Variants in INO80C observed in about 807,000 individuals in gnomAD.
The protein encoded by INO80C is INO80 complex subunit C, also known as IES6 homolog.
A neutral mutation model predicts 17.7 loss-of-function variants in INO80C; 17 were observed. The observed-to-expected ratio is 0.96, with a 90% CI of 0.66 to 1.44. INO80C has a LOEUF of 1.44. Among genes scored for constraint, INO80C ranks in the 40% most tolerant of loss-of-function variants. The probability of loss-of-function intolerance (pLI) is 0.00; values close to 1 mark genes in which losing one functional copy is unlikely to be tolerated. For synonymous variants in INO80C, 96 were observed against 95.8 expected, an observed-to-expected ratio of 1.00 and a Z score of -0.01; for missense variants, 244 against 245.0, an observed-to-expected ratio of 1.00 and a Z score of 0.03.
intron 4 of INO80C, among the ~76,000 whole-genome samples, chr18:35,472,617 G>A (rs2045684034): frequency 6.6e-6 from 1 of 152,146 alleles, no homozygotes; most frequent in African/African-American, 2.4e-5. Flanking sequence ...CTGCCTATAA[G>A]GCATATTGCA....
chr18:35,497,382 G>C, intron 1 of INO80C: 1 of 1,078,450 alleles, frequency 9.3e-7, no homozygotes, highest in Non-Finnish European at 1.1e-6. Context: ...CAGAATGGAC[G>C]AGGGGAAGAC....
intron 4 of INO80C, among the ~76,000 whole-genome samples, chr18:35,470,372 G>C (rs1020092268): frequency 6.6e-6 from 1 of 152,064 alleles, no homozygotes; most frequent in Non-Finnish European, 1.5e-5. Context: ...CGATCCCTTG[G>C]CTTGATCTAG....
chr18:35,479,061 A>C (rs1200112021), intron 3 of INO80C: 1 of 369,590 alleles, frequency 2.7e-6, no homozygotes, highest in African/African-American at 2.1e-5. Flanking sequence ...CAATATTATC[A>C]TATTGGGACC....
At chr18:35,497,617 C>A (rs984010206) in intron 1 of INO80C, 102 bp downstream of exon 1, 22 of 1,471,094 alleles carry the variant, frequency 1.5e-5, no homozygotes, top group African/African-American at 2.9e-5. Flanking sequence ...ACGGAGACCG[C>A]ACGCGCAGCG....
intron 1 of INO80C, among the ~76,000 whole-genome samples, chr18:35,487,991 A>C (rs1288356424): frequency 6.6e-6 from 1 of 152,152 alleles, no homozygotes; most frequent in Non-Finnish European, 1.5e-5. Flanking sequence ...CTCCAAAATG[A>C]TCTCCTTTGA....
chr18:35,478,452 T>G, intron 3 of INO80C, 103 bp from the exon 4 acceptor site: 1 of 922,316 alleles, frequency 1.1e-6, no homozygotes, highest in South Asian at 1.7e-5. Context: ...CCTGAAAATT[T>G]CCTTTGTGAT....
intron 1 of INO80C, among the ~76,000 whole-genome samples, chr18:35,488,413 C>T (rs2045899059): frequency 6.6e-6 from 1 of 152,190 alleles, no homozygotes; most frequent in African/African-American, 2.4e-5. Flanking sequence ...TTCTGTGCAC[C>T]CACAGGCTCA....
chr18:35,479,920 A>G (rs2045785351), intron 2 of INO80C, among the ~76,000 whole-genome samples: 1 of 151,832 alleles, frequency 6.6e-6, no homozygotes, highest in African/African-American at 2.4e-5. Flanking sequence ...AGATGACACA[A>G]TAAAATGGAA....
At chr18:35,492,912 T>C (rs1317549918) in intron 1 of INO80C, among the ~76,000 whole-genome samples, 3 of 152,248 alleles carry the variant, frequency 2.0e-5, no homozygotes, top group African/African-American at 7.2e-5. Context: ...ATTGATTCAG[T>C]AAAACTGTTG....
intron 1 of INO80C, among the ~76,000 whole-genome samples, chr18:35,484,763 C>A (rs2045853237): frequency 6.6e-6 from 1 of 152,110 alleles, no homozygotes; most frequent in Non-Finnish European, 1.5e-5. Flanking sequence ...TGGAACCAAT[C>A]CAGCACATAT....
At chr18:35,488,081 G>C (rs1000975431) in intron 1 of INO80C, among the ~76,000 whole-genome samples, 2 of 152,234 alleles carry the variant, frequency 1.3e-5, no homozygotes, top group Non-Finnish European at 2.9e-5. Context: ...CTGTGGCTTT[G>C]CAGGGTATAG....
intron 4 of INO80C, among the ~76,000 whole-genome samples, chr18:35,473,257 T>C (rs1320745585): frequency 6.6e-6 from 1 of 152,132 alleles, no homozygotes; most frequent in Non-Finnish European, 1.5e-5. Context: ...TAAACGACTA[T>C]TACAACAGGC....
chr18:35,481,154 C>T (rs1425039577), intron 1 of INO80C, among the ~76,000 whole-genome samples: 1 of 152,078 alleles, frequency 6.6e-6, no homozygotes, highest in African/African-American at 2.4e-5. Flanking sequence ...ATGGGCATTC[C>T]AAGGAAGGAA....
chr18:35,479,705 T>C (rs1242518432), intron 2 of INO80C, among the ~76,000 whole-genome samples: 2 of 152,168 alleles, frequency 1.3e-5, no homozygotes, highest in African/African-American at 2.4e-5. Flanking sequence ...GGGTCTAACT[T>C]TGTAGAATTC....
At position 35,497,875 on chromosome 18, in the gene INO80C, C is replaced by T. The variant is rs538991809; in HGVS notation, c.-1G>A. On this transcript the variant is annotated 5_prime_UTR_variant, in exon 1 of 5. Coordinates refer to ENST00000334598, the MANE Select transcript of INO80C (RefSeq NM_194281.4). The stretch of plus-strand genomic sequence containing the variant: ...CCACAATTGGAATTTGCGCCGCCAT[C>T]GCACTCCGAGTCTTCCCCTGGTCCC... 3 of 1,563,590 alleles carry T rather than the reference C, an allele frequency of 1.9e-6. No individual in the cohort carries two copies. The highest frequency in any genetic ancestry group is 1.1e-5 in the South Asian group (1 of 87,140).
At chr18:35,469,294 C>A (rs1249370852) in intron 4 of INO80C, among the ~76,000 whole-genome samples, 1 of 152,244 alleles carries the variant, frequency 6.6e-6, no homozygotes, top group Non-Finnish European at 1.5e-5. Flanking sequence ...ATCTTCTTTG[C>A]AACGTGCAAT....
In INO80C at chr18:35,468,399, T is replaced by C; in HGVS notation, c.*212A>G. ...CCTTTACTTGAGGCAACAACTGAAG[T>C]ATAATTTAATTCAGCAGGAAATATC... On this transcript the variant is annotated 3_prime_UTR_variant, in exon 5 of 5. Transcript: ENST00000334598. 1 of 1,390,970 alleles carries C rather than the reference T, an allele frequency of 7.2e-7. No individual in the cohort carries two copies. Among genetic ancestry groups the C allele is most frequent in the Non-Finnish European group, 9.3e-7 (1 of 1,072,724 alleles). The allele number at this position is 1,390,970 out of a possible 1,614,324, so 86.2% of individuals were successfully genotyped here.
chr18:35,491,452 G>T (rs1325678835), intron 1 of INO80C, among the ~76,000 whole-genome samples: 2 of 152,172 alleles, frequency 1.3e-5, no homozygotes, highest in Non-Finnish European at 2.9e-5. Flanking sequence ...AAGTCAGGCT[G>T]AAGAGAGGGC....
chr18:35,491,324 G>A (rs748379461), intron 1 of INO80C, among the ~76,000 whole-genome samples: 7 of 152,188 alleles, frequency 4.6e-5, no homozygotes, highest in Non-Finnish European at 7.3e-5. Flanking sequence ...GCCATTCCAG[G>A]CAGCAAGCTA....
Sources: allele counts gnomAD v4.1 joint callset (sites outside exome capture counted in the v4.1 genomes callset), GRCh38; gene constraint gnomAD v4.1.1; transcripts MANE v1.5; gene names NCBI Gene and HGNC (gene_info 2026-07-23, HGNC 2026-07-21).